The following ATRNL1 variants were observed in gnomAD, a reference collection of about 807,000 sequenced individuals.
ATRNL1 encodes the protein attractin like 1.
A neutral mutation model predicts 182.7 loss-of-function variants in ATRNL1; 95 were observed. The observed-to-expected ratio is 0.52, with a 90% confidence interval of 0.44 to 0.62. The LOEUF is 0.62. ATRNL1 is among the 20% of genes least tolerant of loss of function. The pLI is 0.00. For missense variants in ATRNL1, 1,471 were observed against 1,679.5 expected, an observed-to-expected ratio of 0.88 and a Z score of 2.17; for synonymous variants, 576 against 568.3, an observed-to-expected ratio of 1.01 and a Z score of -0.19.
chr10:115,663,732 C>A (rs1432208041), intron 26 of ATRNL1, among the ~76,000 whole-genome samples: 2 of 151,880 alleles, frequency 1.3e-5, no homozygotes, highest in Non-Finnish European at 2.9e-5. Context: ...TGGATGGATG[C>A]CAAAAAATCG....
intron 27 of ATRNL1, among the ~76,000 whole-genome samples, chr10:115,736,825 TG>T (rs1947964917): frequency 6.6e-6 from 1 of 152,142 alleles, no homozygotes; most frequent in African/African-American, 2.4e-5. Flanking sequence ...TGGAGTGCAG[TG>T]GCATGATCTC....
At chr10:115,588,656 C>A (rs1340713909) in intron 26 of ATRNL1, among the ~76,000 whole-genome samples, 1 of 152,146 alleles carries the variant, frequency 6.6e-6, no homozygotes, top group East Asian at 1.9e-4. Context: ...TAGGTGCTGT[C>A]CCCAGGTAGG....
At chr10:115,251,221 T>C (rs1263904182) in intron 10 of ATRNL1, among the ~76,000 whole-genome samples, 1 of 152,182 alleles carries the variant, frequency 6.6e-6, no homozygotes, top group Non-Finnish European at 1.5e-5. Flanking sequence ...ATCCTGGCAT[T>C]ATTTAGATTC....
At chr10:115,374,781 A>C (rs1257387486) in intron 19 of ATRNL1, among the ~76,000 whole-genome samples, 8 of 151,746 alleles carry the variant, frequency 5.3e-5, no homozygotes, top group Non-Finnish European at 1.2e-4. Flanking sequence ...GTGAATTTTC[A>C]ATTTTTCCTC....
At chr10:115,786,005 A>G (rs1408962529) in intron 27 of ATRNL1, among the ~76,000 whole-genome samples, 5 of 152,142 alleles carry the variant, frequency 3.3e-5, no homozygotes, top group African/African-American at 2.4e-5. Context: ...AGGCACCGCT[A>G]ATGTTCTTAT....
In ATRNL1 at chr10:115,243,088, GA is replaced by G. The variant is rs1266342390; in HGVS notation, c.1687+1371del. On this transcript the variant is annotated intron_variant, in intron 10 of 28. Transcript: ENST00000355044. The stretch of plus-strand genomic sequence containing the variant: ...TTTGTTTGTTTGTTTTTCTTCTGGG[GA>G]AAAAAAATCCCACAAAAAGTATACA... Among the ~76,000 whole-genome samples the G allele has an allele frequency of 4.6e-5, 7 of 151,614 alleles. No individual in the cohort carries two copies. The East Asian group carries it at 5.8e-4, about 13-fold the overall frequency.
At chr10:115,274,881 A>G (rs1374752428) in intron 13 of ATRNL1, among the ~76,000 whole-genome samples, 2 of 152,210 alleles carry the variant, frequency 1.3e-5, no homozygotes, top group East Asian at 1.9e-4. Flanking sequence ...AGGCAATTAC[A>G]ATTGGTATTA....
intron 26 of ATRNL1, among the ~76,000 whole-genome samples, chr10:115,636,577 T>C (rs1456791207): frequency 6.6e-6 from 1 of 152,234 alleles, no homozygotes; most frequent in East Asian, 1.9e-4. Flanking sequence ...GAGTCTCCTA[T>C]GTGAGAAACA....
chr10:115,418,854 A>T (rs572411562), intron 20 of ATRNL1, among the ~76,000 whole-genome samples: 2 of 152,320 alleles, frequency 1.3e-5, no homozygotes, highest in South Asian at 4.1e-4. Context: ...GAAAAGGTGT[A>T]TTTTAAAAAT....
chr10:115,337,846 A>G (rs549812101), intron 19 of ATRNL1, among the ~76,000 whole-genome samples: 5 of 151,866 alleles, frequency 3.3e-5, no homozygotes, highest in East Asian at 3.9e-4. Flanking sequence ...GGGGAAGACA[A>G]TTTTTCCACG....
intron 26 of ATRNL1, among the ~76,000 whole-genome samples, chr10:115,616,719 C>T (rs1555020909): frequency 6.6e-6 from 1 of 152,222 alleles, no homozygotes; most frequent in East Asian, 1.9e-4. Context: ...CAGGCCACTG[C>T]TACAGAGGGT....
At chr10:115,903,494 T>G (rs1207858061) in intron 28 of ATRNL1, among the ~76,000 whole-genome samples, 1 of 152,248 alleles carries the variant, frequency 6.6e-6, no homozygotes, top group East Asian at 1.9e-4. Flanking sequence ...ACTTTCTTAC[T>G]TTAATTGCTT....
intron 19 of ATRNL1, among the ~76,000 whole-genome samples, chr10:115,343,739 C>T (rs1275205943): frequency 2.0e-5 from 3 of 152,048 alleles, no homozygotes; most frequent in Admixed American, 6.6e-5. Context: ...ATTGTAGCCC[C>T]CACTGTCTGG....
intron 14 of ATRNL1, 40 bp downstream of exon 14, chr10:115,281,527 C>T (rs1328534214): frequency 6.3e-7 from 1 of 1,578,368 alleles, no homozygotes; most frequent in Non-Finnish European, 8.6e-7. Flanking sequence ...TTATGGTCTA[C>T]AGATAAATAC....
intron 24 of ATRNL1, among the ~76,000 whole-genome samples, chr10:115,510,622 TG>T (rs1336161891): frequency 6.6e-6 from 1 of 152,050 alleles, no homozygotes; most frequent in African/African-American, 2.4e-5. Flanking sequence ...TTATATGCAC[TG>T]GGAAACCAAA....
At chr10:115,405,703 T>A (rs116455390) in intron 20 of ATRNL1, among the ~76,000 whole-genome samples, 1,911 of 149,986 alleles carry the variant, frequency 0.013, 35 homozygotes, top group African/African-American at 0.043. Flanking sequence ...TTTTTTTTTT[T>A]AATTATACTT....
chr10:115,216,962 G>A (rs190204009), intron 9 of ATRNL1, among the ~76,000 whole-genome samples: 61 of 151,098 alleles, frequency 4.0e-4, no homozygotes, highest in African/African-American at 1.4e-3. Flanking sequence ...CTCATAAATA[G>A]CATCTTCTGT....
intron 24 of ATRNL1, among the ~76,000 whole-genome samples, chr10:115,511,302 T>C (rs1191988841): frequency 3.9e-5 from 6 of 151,966 alleles, no homozygotes; most frequent in Non-Finnish European, 7.4e-5. Flanking sequence ...TTTATATTTT[T>C]TAAAAGAACA....
At chr10:115,591,501 T>G (rs1855903483) in intron 26 of ATRNL1, among the ~76,000 whole-genome samples, 2 of 152,304 alleles carry the variant, frequency 1.3e-5, no homozygotes, top group Non-Finnish European at 2.9e-5. Flanking sequence ...GAGGGAGATG[T>G]CCATAAATTT....
Sources: allele counts gnomAD v4.1 joint callset (sites outside exome capture counted in the v4.1 genomes callset), GRCh38; gene constraint gnomAD v4.1.1; transcripts MANE v1.5; gene names NCBI Gene and HGNC (gene_info 2026-07-23, HGNC 2026-07-21).